Variants in NXN observed in about 807,000 individuals in gnomAD.
NXN encodes the protein nucleoredoxin 1.
Under a neutral mutation model 48.6 loss-of-function variants are expected in NXN, and 16 were observed. That is an observed-to-expected ratio of 0.33 (90% CI 0.22 to 0.50). The LOEUF (loss-of-function observed/expected upper bound fraction) is 0.50. Among genes scored for constraint, NXN ranks in the 20% least tolerant of loss-of-function variants. NXN has a pLI of 0.98. For missense variants in NXN, 492 were observed against 605.5 expected (o/e 0.81, Z 1.97); for synonymous variants, 281 against 269.6 (o/e 1.04, Z -0.41).
At chr17:904,988 C>T (rs540664087) in intron 1 of NXN, among the ~76,000 whole-genome samples, 1 of 152,246 alleles carries the variant, frequency 6.6e-6, no homozygotes, top group East Asian at 1.9e-4. Context: ...CACACACAAG[C>T]GTGTGTGCCA....
chr17:942,960 ACAAG>A (rs1208340021), intron 1 of NXN, among the ~76,000 whole-genome samples: 2,377 of 88,998 alleles, frequency 0.027, 406 homozygotes, highest in Admixed American at 0.04. Context: ...TTTACAGTGA[ACAAG>A]ATTCCAGGGT....
At chr17:862,894 CG>C (rs2068055186) in intron 1 of NXN, among the ~76,000 whole-genome samples, 1 of 152,182 alleles carries the variant, frequency 6.6e-6, no homozygotes, top group Non-Finnish European at 1.5e-5. Flanking sequence ...ATGCTCTAAA[CG>C]TATCAATGCT....
At chr17:820,214 G>A (rs1484566169) in intron 4 of NXN, among the ~76,000 whole-genome samples, 1 of 152,100 alleles carries the variant, frequency 6.6e-6, no homozygotes, top group African/African-American at 2.4e-5. Flanking sequence ...TGATGATGGT[G>A]GTAACATGGT....
At chr17:962,862 C>T (rs902126321) in intron 1 of NXN, among the ~76,000 whole-genome samples, 12 of 152,140 alleles carry the variant, frequency 7.9e-5, no homozygotes, top group South Asian at 4.1e-4. Flanking sequence ...TTCACAGACA[C>T]CATCTTCTCA....
At chr17:811,471 C>T (rs1292757394) in intron 5 of NXN, among the ~76,000 whole-genome samples, 1 of 150,760 alleles carries the variant, frequency 6.6e-6, no homozygotes, top group Non-Finnish European at 1.5e-5. Flanking sequence ...GCACTGCACA[C>T]GGCTGCACAT....
chr17:929,338 T>C (rs1469904440), intron 1 of NXN, among the ~76,000 whole-genome samples: 1 of 152,212 alleles, frequency 6.6e-6, no homozygotes, highest in African/African-American at 2.4e-5. Flanking sequence ...TTCACGTTAT[T>C]AAATATGTCC....
At chr17:915,298 C>G (rs576739806) in intron 1 of NXN, among the ~76,000 whole-genome samples, 1 of 152,120 alleles carries the variant, frequency 6.6e-6, no homozygotes, top group African/African-American at 2.4e-5. Context: ...GGAATTCTTT[C>G]TCTCTTTCTT....
Position 895,555 on chromosome 17 carries a change from C to G in NXN, c.361-69477G>C, listed in dbSNP as rs111378687. ...TGGCCGGGCGCAGTGGCTCACGCCT[C>G]TAATCCCAGCACTTTGGGAGGTCGA... On this transcript the variant is annotated intron_variant, in intron 1 of 7. Transcript: ENST00000336868. 4.1e-3 allele frequency among the ~76,000 whole-genome samples: 627 copies of G among 151,174 alleles called. 4 individuals are homozygous for G. Among genetic ancestry groups the G allele is most frequent in the African/African-American group, 0.013 (517 of 41,228 alleles).
intron 1 of NXN, 52 bp downstream of exon 1, chr17:979,267 G>A: frequency 7.4e-7 from 1 of 1,343,072 alleles, no homozygotes; most frequent in South Asian, 1.3e-5. Flanking sequence ...GGGCGGGCAG[G>A]GGTAACGGGC....
intron 1 of NXN, among the ~76,000 whole-genome samples, chr17:939,649 GATC>G (rs2150604383): frequency 6.6e-6 from 1 of 151,834 alleles, no homozygotes; most frequent in African/African-American, 2.4e-5. Context: ...CCTGGCCAGA[GATC>G]ATCTTTTTAA....
rs371908295 is a variant in NXN at position 956,712 on chromosome 17, G to A, written c.360+22607C>T. Among the ~76,000 whole-genome samples, 12 of 152,300 alleles carry A rather than the reference G, an allele frequency of 7.9e-5. No individual in the cohort carries two copies. In the East Asian group the frequency reaches 9.6e-4, roughly 12 times the overall value. Reference sequence around the variant, plus strand: ...TTACAGGCGTGAGCCACCGCGCCTGGCCAAGAGCTTTTTATATCAGTCATC... The same window carrying A: ...TTACAGGCGTGAGCCACCGCGCCTGACCAAGAGCTTTTTATATCAGTCATC... On this transcript the variant is annotated intron_variant, in intron 1 of 7. Transcript: ENST00000336868. This position sits in a 1 kb window ranked among gnomAD's most constrained non-coding sequence, Gnocchi z 4.1.
At position 951,522 on chromosome 17, in the gene NXN, G is replaced by A. The variant is rs1330486093; in HGVS notation, c.360+27797C>T. On this transcript the variant is annotated intron_variant, in intron 1 of 7. Coordinates refer to ENST00000336868, the MANE Select transcript of NXN (RefSeq NM_022463.5). ...GCAGACATGATGTGGTTAAAGCCAG[G>A]GTCTTTCTCAATCAATACATTTTAA... Among the ~76,000 whole-genome samples, 26 of 127,206 alleles carry A rather than the reference G, an allele frequency of 2.0e-4. No individual in the cohort carries two copies. In the Admixed American group the frequency reaches 2.6e-3, roughly 13 times the overall value. 83.5% of individuals were successfully genotyped at this position (127,206 alleles called of 152,430 possible).
intron 5 of NXN, among the ~76,000 whole-genome samples, chr17:815,487 T>A (rs78540054): frequency 3.9e-4 from 45 of 116,312 alleles, no homozygotes; most frequent in South Asian, 9.2e-4. Flanking sequence ...TTCAGCTGAC[T>A]TCCATCCGTA....
intron 5 of NXN, among the ~76,000 whole-genome samples, chr17:807,211 GC>G (rs1251023613): frequency 6.6e-6 from 1 of 152,180 alleles, no homozygotes; most frequent in Non-Finnish European, 1.5e-5. Flanking sequence ...CCGCACAGGA[GC>G]CCCTCCACAT....
intron 1 of NXN, among the ~76,000 whole-genome samples, chr17:848,656 G>T (rs912010610): frequency 1.3e-5 from 2 of 152,184 alleles, no homozygotes; most frequent in South Asian, 2.1e-4. Context: ...TCCAAACAGC[G>T]AACTCAAAGG....
intron 1 of NXN, among the ~76,000 whole-genome samples, chr17:865,195 C>G (rs1220533799): frequency 1.3e-5 from 2 of 152,064 alleles, no homozygotes; most frequent in Non-Finnish European, 2.9e-5. Flanking sequence ...GCAATGTTTT[C>G]TGGGCAAGGG....
At chr17:895,701 C>T (rs1318359910) in intron 1 of NXN, among the ~76,000 whole-genome samples, 1 of 150,386 alleles carries the variant, frequency 6.6e-6, no homozygotes, top group Non-Finnish European at 1.5e-5. Context: ...ACCTGTAGTC[C>T]CAGCTACTCG....
intron 1 of NXN, among the ~76,000 whole-genome samples, chr17:870,093 G>A (rs757899358): frequency 7.9e-5 from 12 of 152,130 alleles, no homozygotes; most frequent in Non-Finnish European, 1.2e-4. Flanking sequence ...TGCTGTCCAC[G>A]TTCTACCAGG....
chr17:801,151 G>A lies in NXN; in HGVS notation c.1126-20C>T, dbSNP rs753648673. On this transcript the variant is annotated intron_variant, in intron 7 of 7. Transcript: ENST00000336868. ...GTCATCCTGAAGCCGTCAGGAGGGA[G>A]AGAAAACCAAGAAGTTTTAAAGAAA... The A allele has an allele frequency of 4.0e-6, 6 of 1,500,210 alleles. No homozygotes were observed. Among genetic ancestry groups the A allele is most frequent in the East Asian group, 2.6e-5 (1 of 38,606 alleles). The allele number at this position is 1,500,210 out of a possible 1,614,324, so 92.9% of individuals were successfully genotyped here.
Sources: allele counts gnomAD v4.1 joint callset (sites outside exome capture counted in the v4.1 genomes callset), GRCh38; gene constraint gnomAD v4.1.1; non-coding constraint Gnocchi (gnomAD v3.1); transcripts MANE v1.5; gene names NCBI Gene and HGNC (gene_info 2026-07-23, HGNC 2026-07-21).